The following TCF20 variants were observed in gnomAD, a reference collection of about 807,000 sequenced individuals.
TCF20 encodes the protein SPRE-binding protein.
Under a neutral mutation model 148.6 loss-of-function variants are expected in TCF20, and 3 were observed. That is an observed-to-expected ratio of 0.02 (90% CI 0.01 to 0.05). The LOEUF is 0.05. Among genes scored for constraint, TCF20 ranks in the 10% least tolerant of loss-of-function variants. The pLI is 1.00. For missense variants in TCF20, 2,350 were observed against 2,429.3 expected (o/e 0.97, Z 0.69); for synonymous variants, 1,049 against 909.5 (o/e 1.15, Z -2.76).
At chr22:42,248,009 CTG>C (rs1316086189) in intron 1 of TCF20, among the ~76,000 whole-genome samples, 2 of 152,226 alleles carry the variant, frequency 1.3e-5, no homozygotes, top group Non-Finnish European at 2.9e-5. Flanking sequence ...TTGGCTCCTA[CTG>C]TGTGTCAGGC....
chr22:42,236,725 A>G (rs1017164221), intron 1 of TCF20, among the ~76,000 whole-genome samples: 2 of 152,244 alleles, frequency 1.3e-5, no homozygotes, highest in Non-Finnish European at 2.9e-5. Context: ...AGCCACAAGC[A>G]TAACATTGCA....
chr22:42,225,000 C>CT (rs34550174), intron 1 of TCF20, among the ~76,000 whole-genome samples: 46,221 of 130,078 alleles, frequency 0.36, 9,341 homozygotes, highest in Non-Finnish European at 0.43. Flanking sequence ...GAAATAATCA[C>CT]TTTTTTTTTT....
intron 1 of TCF20, among the ~76,000 whole-genome samples, chr22:42,226,047 A>C (rs1462461989): frequency 6.6e-6 from 1 of 152,204 alleles, no homozygotes; most frequent in Non-Finnish European, 1.5e-5. Context: ...TCTGCTCCTG[A>C]GCAGACCAAA....
chr22:42,274,783 C>T (rs959615234), upstream of TCF20: 4 of 152,260 alleles, frequency 2.6e-5, no homozygotes, highest in Non-Finnish European at 5.9e-5. Context: ...AGGGCAGAGA[C>T]ACCTCTGCTT....
intron 1 of TCF20, among the ~76,000 whole-genome samples, chr22:42,215,770 C>G (rs1194879999): frequency 6.6e-6 from 1 of 152,124 alleles, no homozygotes; most frequent in Non-Finnish European, 1.5e-5. Context: ...CACGCCTGAC[C>G]TTGAATTTCA....
chr22:42,208,444 C>G (rs1423981897), intron 2 of TCF20, among the ~76,000 whole-genome samples: 1 of 152,112 alleles, frequency 6.6e-6, no homozygotes. Context: ...CTGGGCAACA[C>G]AGTGAGACCT....
rs965793141 is a variant in TCF20 at position 42,213,392 on chromosome 22, T to C, written c.1914A>G (p.Pro638=). The change falls in exon 2 of 6, where the codon CCA becomes CCG. Residue 638 remains proline (P), a synonymous_variant. Transcript: ENST00000677622. ...QEDDPAATQR[P]PSNGGAKETS... The stretch of plus-strand genomic sequence containing the variant: ...TTTCCTTTGCCCCACCATTGCTAGG[T>C]GGCCTTTGAGTGGCTGCAGGATCAT... The C allele has an allele frequency of 6.2e-7, 1 of 1,614,058 alleles. No homozygotes were observed. The highest frequency in any genetic ancestry group is 8.5e-7 in the Non-Finnish European group (1 of 1,180,046).
chr22:42,274,392 C>T (rs1926724201), upstream of TCF20: 1 of 152,324 alleles, frequency 6.6e-6, no homozygotes, highest in Non-Finnish European at 1.5e-5. Context: ...AGTCTCTGAG[C>T]CCGCATGGAG....
At chr22:42,268,609 C>A (rs1271394219) in intron 1 of TCF20, among the ~76,000 whole-genome samples, 2 of 152,196 alleles carry the variant, frequency 1.3e-5, no homozygotes, top group Non-Finnish European at 2.9e-5. Context: ...CTCCAAAATC[C>A]CCTGCGTAGA....
At chr22:42,268,531 T>C (rs1404889208) in intron 1 of TCF20, among the ~76,000 whole-genome samples, 1 of 152,230 alleles carries the variant, frequency 6.6e-6, no homozygotes, top group African/African-American at 2.4e-5. Flanking sequence ...ATGCTGAAAC[T>C]GGCTGGAAAT....
At chr22:42,341,736 C>T (rs998442123) in intron 1 of TCF20, among the ~76,000 whole-genome samples, 3 of 151,150 alleles carry the variant, frequency 2.0e-5, no homozygotes, top group Admixed American at 6.6e-5. Flanking sequence ...TGGGGACACA[C>T]CAACCCGGGC....
At chr22:42,165,719 C>A (rs1448575941) in intron 5 of TCF20, among the ~76,000 whole-genome samples, 1 of 152,246 alleles carries the variant, frequency 6.6e-6, no homozygotes, top group African/African-American at 2.4e-5. Context: ...GAGAAACCCA[C>A]AGCTAGGCAT....
chr22:42,277,609 T>C (rs1376171554), intron 1 of TCF20, among the ~76,000 whole-genome samples: 1 of 151,902 alleles, frequency 6.6e-6, no homozygotes. Flanking sequence ...GCCTGCAGGG[T>C]AATGTAAGTG....
At chr22:42,176,373 A>T (rs1012235346) in intron 3 of TCF20, among the ~76,000 whole-genome samples, 1 of 81,200 alleles carries the variant, frequency 1.2e-5, no homozygotes, top group Non-Finnish European at 2.9e-5. Context: ...GCTGCGCTGG[A>T]AGGAAGGGGG....
rs1486408667 is a variant in TCF20, at chr22:42,279,883, C to T, written c.-37+3944G>A. Among the ~76,000 whole-genome samples the T allele has an allele frequency of 8.5e-5, 13 of 152,178 alleles. No homozygotes were observed. Among genetic ancestry groups the T allele is most frequent in the Admixed American group, 8.5e-4 (13 of 15,284 alleles). On this transcript the variant is annotated intron_variant, in intron 1 of 5. Transcript: ENST00000359486. The surrounding 1 kb of genome is among the most constrained non-coding windows in gnomAD (Gnocchi z 4.3). The stretch of plus-strand genomic sequence containing the variant: ...GTGTGGGCTGGATGTGGCTCCCCAG[C>T]CCCGTAGACACCACCCCAGGTGCTC...
chr22:42,295,508 A>G (rs928817047), intron 1 of TCF20, among the ~76,000 whole-genome samples: 3 of 150,520 alleles, frequency 2.0e-5, no homozygotes, highest in East Asian at 3.9e-4. Flanking sequence ...CAATGGCACA[A>G]TCTCGGCTCA....
intron 1 of TCF20, among the ~76,000 whole-genome samples, chr22:42,240,809 C>T (rs112673330): frequency 3.9e-5 from 6 of 152,230 alleles, no homozygotes; most frequent in African/African-American, 1.4e-4. Flanking sequence ...CTCCCATGGA[C>T]TCAGCTTCAA....
At chr22:42,171,883 A>T (rs566885811) in intron 3 of TCF20, among the ~76,000 whole-genome samples, 3 of 152,368 alleles carry the variant, frequency 2.0e-5, no homozygotes, top group African/African-American at 7.2e-5. Context: ...CCACACGAGC[A>T]GCAAAGGGTG....
chr22:42,293,811 C>T (rs779837773), intron 1 of TCF20, among the ~76,000 whole-genome samples: 7 of 152,208 alleles, frequency 4.6e-5, no homozygotes, highest in African/African-American at 7.2e-5. Context: ...ACCAGCCCGA[C>T]CAACATGGTG....
Sources: gnomAD v4.1 joint callset for allele counts (sites outside exome capture counted in the v4.1 genomes callset) on GRCh38, gnomAD v4.1.1 for gene constraint, Gnocchi (gnomAD v3.1) non-coding constraint, MANE v1.5 for transcripts, NCBI Gene and HGNC (gene_info 2026-07-23, HGNC 2026-07-21) for gene names.